Variants in ZNF536 observed in about 807,000 individuals in gnomAD.
ZNF536 encodes zinc finger protein 536.
ZNF536 carries 13 observed loss-of-function variants against 84.5 expected under a neutral mutation model. The observed-to-expected ratio is 0.15, with a 90% CI of 0.10 to 0.24. The LOEUF (loss-of-function observed/expected upper bound fraction) is 0.24. ZNF536 is among the 10% of genes least tolerant of loss of function. ZNF536 has a pLI of 1.00. For synonymous variants in ZNF536, 811 were observed against 742.5 expected, an observed-to-expected ratio of 1.09 and a Z score of -1.50; for missense variants, 1,536 against 1,747.5, an observed-to-expected ratio of 0.88 and a Z score of 2.16.
intron 2 of ZNF536, among the ~76,000 whole-genome samples, chr19:30,343,124 G>A (rs981690645): frequency 3.3e-5 from 5 of 152,134 alleles, no homozygotes; most frequent in Admixed American, 6.5e-5. Flanking sequence ...CCCTTCTATG[G>A]TAGCATCCTC....
chr19:30,702,011 C>T (rs113320708), intron 1 of ZNF536, among the ~76,000 whole-genome samples: 3 of 152,294 alleles, frequency 2.0e-5, no homozygotes, highest in African/African-American at 7.2e-5. Context: ...CCCTCTGTCC[C>T]ACACTTGAGG....
intron 1 of ZNF536, among the ~76,000 whole-genome samples, chr19:30,273,599 G>T (rs1246072671): frequency 6.6e-6 from 1 of 152,158 alleles, no homozygotes; most frequent in African/African-American, 2.4e-5. Flanking sequence ...ATTTCTTACT[G>T]TTGAGTTTTA....
chr19:30,317,562 C>T lies in ZNF536; in HGVS notation c.-120+33421C>T, dbSNP rs577993205. The stretch of plus-strand genomic sequence containing the variant: ...TTCCAGGGGTCTGTGCTCCAGAAGG[C>T]GTAGGCCATGTGCGTTTGAACCCAG... On this transcript the variant is annotated intron_variant, in intron 2 of 5. Coordinates refer to the ZNF536 transcript ENST00000585628. 1.1e-4 allele frequency among the ~76,000 whole-genome samples: 16 copies of T among 152,076 alleles called. 1 individual carries two copies. The East Asian group carries it at 2.5e-3, about 24-fold the overall frequency.
At chr19:30,710,173 A>G (rs1343949629) in intron 1 of ZNF536, among the ~76,000 whole-genome samples, 1 of 152,190 alleles carries the variant, frequency 6.6e-6, no homozygotes, top group Non-Finnish European at 1.5e-5. Context: ...GGGACTATTT[A>G]TTATTTAACC....
At chr19:30,422,985 A>ATC (rs1555754055) in intron 1 of ZNF536, among the ~76,000 whole-genome samples, 6 of 52,170 alleles carry the variant, frequency 1.2e-4, no homozygotes, top group Non-Finnish European at 1.1e-4. Flanking sequence ...ATCCAACCAA[A>ATC]CATCCATCCA....
intron 2 of ZNF536, among the ~76,000 whole-genome samples, chr19:30,347,301 A>G (rs1198696023): frequency 2.6e-5 from 4 of 152,214 alleles, no homozygotes; most frequent in Non-Finnish European, 2.9e-5. Flanking sequence ...TAGAAGAAAT[A>G]AAACATACTC....
intron 2 of ZNF536, among the ~76,000 whole-genome samples, chr19:30,318,897 T>C (rs577749371): frequency 6.6e-6 from 1 of 152,354 alleles, no homozygotes; most frequent in African/African-American, 2.4e-5. Context: ...TTTGGGGCAG[T>C]TTGCTCCCTT....
chr19:30,249,600 C>G (rs1033824147), intron 1 of ZNF536, among the ~76,000 whole-genome samples: 1 of 152,188 alleles, frequency 6.6e-6, no homozygotes. Context: ...CTTCAGTGAG[C>G]CCTGACTGCA....
chr19:30,318,504 A>G (rs1946117814), intron 2 of ZNF536, among the ~76,000 whole-genome samples: 1 of 152,150 alleles, frequency 6.6e-6, no homozygotes, highest in Admixed American at 6.5e-5. Flanking sequence ...AGATTCCACT[A>G]GAGCGAAAGA....
At chr19:30,644,900 G>T (rs1457752890) in intron 1 of ZNF536, among the ~76,000 whole-genome samples, 1 of 152,266 alleles carries the variant, frequency 6.6e-6, no homozygotes, top group African/African-American at 2.4e-5. Context: ...GGATGGCTGG[G>T]TCAAATGGTA....
intron 1 of ZNF536, among the ~76,000 whole-genome samples, chr19:30,258,686 AT>A (rs2025036815): frequency 7.0e-6 from 1 of 142,248 alleles, no homozygotes; most frequent in African/African-American, 2.7e-5. Context: ...AAAAATTTTT[AT>A]TTTTTAAATA....
At chr19:30,697,193 C>A (rs1185615104) in intron 1 of ZNF536, among the ~76,000 whole-genome samples, 1 of 152,152 alleles carries the variant, frequency 6.6e-6, no homozygotes, top group African/African-American at 2.4e-5. Flanking sequence ...AACTCCCTCA[C>A]TATCAAGAGA....
At chr19:30,698,747 G>T (rs987535548) in intron 1 of ZNF536, among the ~76,000 whole-genome samples, 1 of 152,182 alleles carries the variant, frequency 6.6e-6, no homozygotes, top group African/African-American at 2.4e-5. Flanking sequence ...CTGAGGTCAT[G>T]TTTGTCTGGT....
intron 1 of ZNF536, among the ~76,000 whole-genome samples, chr19:30,275,905 C>T (rs1600018414): frequency 1.3e-5 from 2 of 152,040 alleles, no homozygotes; most frequent in South Asian, 2.1e-4. Flanking sequence ...TTTAGTGGCC[C>T]AAGTGTTCCT....
At chr19:30,692,799 G>C (rs1409783742) in intron 1 of ZNF536, among the ~76,000 whole-genome samples, 3 of 152,172 alleles carry the variant, frequency 2.0e-5, no homozygotes, top group Non-Finnish European at 2.9e-5. Flanking sequence ...CTGCCTCCTC[G>C]CACGCCCACA....
At chr19:30,405,466 T>G (rs2050225499) in intron 1 of ZNF536, among the ~76,000 whole-genome samples, 1 of 151,842 alleles carries the variant, frequency 6.6e-6, no homozygotes, top group African/African-American at 2.4e-5. Flanking sequence ...ACTCCATAGG[T>G]TCTGAGATTC....
intron 1 of ZNF536, among the ~76,000 whole-genome samples, chr19:30,580,764 C>T (rs923311866): frequency 6.6e-6 from 1 of 152,164 alleles, no homozygotes; most frequent in Non-Finnish European, 1.5e-5. Flanking sequence ...CCCCTTTGGG[C>T]CCGTTTCTCA....
intron 1 of ZNF536, among the ~76,000 whole-genome samples, chr19:30,677,780 C>T (rs866720159): frequency 2.0e-5 from 3 of 152,226 alleles, no homozygotes; most frequent in Admixed American, 2.0e-4. Flanking sequence ...ACCCTGAGCT[C>T]ATAAAGCCCA....
At chr19:30,319,553 C>T (rs1292881480) in intron 2 of ZNF536, among the ~76,000 whole-genome samples, 1 of 152,172 alleles carries the variant, frequency 6.6e-6, no homozygotes, top group Non-Finnish European at 1.5e-5. Context: ...ATAGTCTGCA[C>T]AAAATTCAGT....
Sources: gnomAD v4.1 joint callset for allele counts (sites outside exome capture counted in the v4.1 genomes callset) on GRCh38, gnomAD v4.1.1 for gene constraint, MANE v1.5 for transcripts, NCBI Gene and HGNC (gene_info 2026-07-23, HGNC 2026-07-21) for gene names.